Variants in PLEKHF2 observed in about 807,000 individuals in gnomAD.
The protein encoded by PLEKHF2 is pleckstrin homology domain-containing family F member 2.
PLEKHF2 carries 4 observed loss-of-function variants against 14.7 expected under a neutral mutation model. The ratio of observed to expected loss-of-function variants is 0.27; its 90% CI spans 0.13 to 0.62. PLEKHF2 has a LOEUF of 0.62. Ranked by LOEUF, PLEKHF2 falls within the 20% of genes least tolerant of loss-of-function variation. The pLI is 0.85. For synonymous variants in PLEKHF2, 90 were observed against 103.5 expected, an observed-to-expected ratio of 0.87 and a Z score of 0.79; for missense variants, 201 against 307.7, an observed-to-expected ratio of 0.65 and a Z score of 2.60.
At chr8:95,151,255 T>C (rs10109868) in intron 1 of PLEKHF2, among the ~76,000 whole-genome samples, 23,891 of 152,060 alleles carry the variant, frequency 0.16, 2,074 homozygotes, top group Non-Finnish European at 0.18. Context: ...TTAATTCTCA[T>C]AGTAGCAATA....
chr8:95,143,611 A>G (rs1014817110), intron 1 of PLEKHF2, among the ~76,000 whole-genome samples: 2 of 152,210 alleles, frequency 1.3e-5, no homozygotes, highest in Admixed American at 1.3e-4. Context: ...ATTTCAGTAA[A>G]TAGAGAAGAA....
chr8:95,144,604 C>T (rs769156255), intron 1 of PLEKHF2, among the ~76,000 whole-genome samples: 9 of 152,234 alleles, frequency 5.9e-5, no homozygotes, highest in Non-Finnish European at 1.2e-4. Context: ...CGGTGGCTCA[C>T]GCCTGTAATC....
intron 1 of PLEKHF2, among the ~76,000 whole-genome samples, chr8:95,141,390 A>G (rs569720335): frequency 6.6e-6 from 1 of 152,232 alleles, no homozygotes; most frequent in Non-Finnish European, 1.5e-5. Flanking sequence ...ATCTAAGAAA[A>G]ATCCAGATCA....
intron 1 of PLEKHF2, among the ~76,000 whole-genome samples, chr8:95,143,622 C>T (rs552423216): frequency 6.6e-6 from 1 of 152,040 alleles, no homozygotes; most frequent in Admixed American, 6.5e-5. Flanking sequence ...TAGAGAAGAA[C>T]AAAGGAGGGA....
chr8:95,154,138 C>A lies in PLEKHF2; in HGVS notation c.94C>A (p.Pro32Thr). 2 of 1,613,832 alleles carry A rather than the reference C, an allele frequency of 1.2e-6. No individual in the cohort carries two copies. Among genetic ancestry groups the A allele is most frequent in the Non-Finnish European group, 8.5e-7 (1 of 1,179,948 alleles). Residue 32 changes from proline (P) to threonine (T), a missense_variant, in exon 2 of 2, where the codon CCT becomes ACT. Coordinates refer to ENST00000315367, the MANE Select transcript of PLEKHF2 (RefSeq NM_024613.4). This position sits in a 1 kb window ranked among gnomAD's most constrained non-coding sequence, Gnocchi z 5.6. ...FGAAGQPLTI[P>T]GRVLIGEGVL... is the part of the protein sequence containing the mutation. ...AGCAGCTGGTCAACCTTTAACTATA[C>A]CTGGACGAGTTCTTATTGGAGAAGG...
chr8:95,143,920 C>G (rs1348427883), intron 1 of PLEKHF2, among the ~76,000 whole-genome samples: 2 of 152,168 alleles, frequency 1.3e-5, no homozygotes, highest in Non-Finnish European at 2.9e-5. Flanking sequence ...CAAACTTGTC[C>G]AGTCTGCAGC....
chr8:95,150,360 T>C (rs745616344), intron 1 of PLEKHF2, among the ~76,000 whole-genome samples: 1 of 152,144 alleles, frequency 6.6e-6, no homozygotes, highest in Non-Finnish European at 1.5e-5. Context: ...CCCATAGTTT[T>C]TCAGATATAT....
At chr8:95,144,104 C>G (rs1787692959) in intron 1 of PLEKHF2, among the ~76,000 whole-genome samples, 1 of 151,914 alleles carries the variant, frequency 6.6e-6, no homozygotes, top group Non-Finnish European at 1.5e-5. Context: ...TGGCCTGAGA[C>G]AGTTCTTCCA....
intron 1 of PLEKHF2, among the ~76,000 whole-genome samples, chr8:95,151,329 A>C (rs1465668917): frequency 1.3e-5 from 2 of 152,078 alleles, no homozygotes; most frequent in African/African-American, 4.8e-5. Flanking sequence ...TGGACTCAGT[A>C]GTTGATTCAG....
chr8:95,141,574 G>A lies in PLEKHF2; in HGVS notation c.-15+7544G>A, dbSNP rs556852300. Among the ~76,000 whole-genome samples, 197 of 152,180 alleles carry A rather than the reference G, an allele frequency of 1.3e-3. 2 individuals are homozygous for A. The highest frequency in any genetic ancestry group is 4.6e-3 in the African/African-American group (192 of 41,528). ...GGAGTCTTGCTCTGTGGTTCAGGCTGGAGTGCAGTGGCACGATCTTGGCTC... is the reference window on the plus strand; with the variant it reads ...GGAGTCTTGCTCTGTGGTTCAGGCTAGAGTGCAGTGGCACGATCTTGGCTC... On this transcript the variant is annotated intron_variant, in intron 1 of 1. Coordinates refer to ENST00000315367, the MANE Select transcript of PLEKHF2 (RefSeq NM_024613.4).
chr8:95,146,578 C>T (rs998506121), intron 1 of PLEKHF2, among the ~76,000 whole-genome samples: 1 of 151,136 alleles, frequency 6.6e-6, no homozygotes, highest in African/African-American at 2.4e-5. Flanking sequence ...GTAGACACCC[C>T]ACTGAAGAAC....
At chr8:95,141,711 T>G (rs539994575) in intron 1 of PLEKHF2, among the ~76,000 whole-genome samples, 12,088 of 151,498 alleles carry the variant, frequency 0.08, 665 homozygotes, top group African/African-American at 0.14. Context: ...TTTTGTTTTT[T>G]TTTTTTTTTT....
chr8:95,143,791 C>G (rs1050485712), intron 1 of PLEKHF2, among the ~76,000 whole-genome samples: 3 of 152,142 alleles, frequency 2.0e-5, no homozygotes, highest in African/African-American at 7.2e-5. Context: ...CTTTGAATAC[C>G]AAGTTAAGGA....
At chr8:95,146,251 A>G (rs1810499231) in intron 1 of PLEKHF2, among the ~76,000 whole-genome samples, 3 of 152,142 alleles carry the variant, frequency 2.0e-5, no homozygotes, top group Admixed American at 2.0e-4. Context: ...GAAATCACTT[A>G]TTTAGTGTCT....
At chr8:95,142,716 TG>T (rs1276037782) in intron 1 of PLEKHF2, among the ~76,000 whole-genome samples, 1 of 152,226 alleles carries the variant, frequency 6.6e-6, no homozygotes, top group Non-Finnish European at 1.5e-5. Context: ...TAAACAGCTG[TG>T]CTTTTTGGAG....
At position 95,140,188 on chromosome 8, in the gene PLEKHF2, G is replaced by A. The variant is rs1395852412; in HGVS notation, c.-15+6158G>A. ...TCTTCTCTCTCCTAAAACAAAGCTA[G>A]CATCTGCCCAGTGGCTTACCCTTAA... On this transcript the variant is annotated intron_variant, in intron 1 of 1. Transcript: ENST00000315367. 4.6e-5 allele frequency among the ~76,000 whole-genome samples: 7 copies of A among 152,264 alleles called. No homozygotes were observed. The East Asian group carries it at 9.6e-4, about 21-fold the overall frequency.
intron 1 of PLEKHF2, 98 bp downstream of exon 1, chr8:95,134,128 T>C (rs1810349455): frequency 6.9e-6 from 1 of 144,330 alleles, no homozygotes; most frequent in African/African-American, 2.5e-5. Flanking sequence ...CCCGGAGCCG[T>C]CGCAGCGCCG....
At chr8:95,151,864 T>C (rs1424698092) in intron 1 of PLEKHF2, among the ~76,000 whole-genome samples, 1 of 152,112 alleles carries the variant, frequency 6.6e-6, no homozygotes, top group African/African-American at 2.4e-5. Flanking sequence ...TTGTTGATAG[T>C]ATAGTATATA....
At chr8:95,141,175 C>T (rs1810434607) in intron 1 of PLEKHF2, among the ~76,000 whole-genome samples, 1 of 152,166 alleles carries the variant, frequency 6.6e-6, no homozygotes. Context: ...TTGAATTAAT[C>T]ACTTAGACTA....
Sources: gnomAD v4.1 joint callset for allele counts (sites outside exome capture counted in the v4.1 genomes callset) on GRCh38, gnomAD v4.1.1 for gene constraint, Gnocchi (gnomAD v3.1) non-coding constraint, MANE v1.5 for transcripts, NCBI Gene and HGNC (gene_info 2026-07-23, HGNC 2026-07-21) for gene names.